CNGB3: variants seen among roughly 807,000 people sequenced by gnomAD.
CNGB3 encodes cyclic nucleotide gated channel subunit beta 3.
Under a neutral mutation model 92.8 loss-of-function variants are expected in CNGB3, and 86 were observed. That is an observed-to-expected ratio of 0.93 (90% CI 0.78 to 1.11). CNGB3 has a LOEUF of 1.11. CNGB3 is among the 50% of genes least tolerant of loss of function. The pLI, the probability that CNGB3 is intolerant of heterozygous loss-of-function variation, is 0.00. For synonymous variants in CNGB3, 333 were observed against 332.7 expected, an observed-to-expected ratio of 1.00 and a Z score of -0.01; for missense variants, 1,026 against 956.8, an observed-to-expected ratio of 1.07 and a Z score of -0.95.
intron 15 of CNGB3, among the ~76,000 whole-genome samples, chr8:86,585,164 TA>T (rs1026268355): frequency 6.6e-6 from 1 of 152,126 alleles, no homozygotes; most frequent in African/African-American, 2.4e-5. Flanking sequence ...AGAAATGGTG[TA>T]TTCAGGGACT....
At chr8:86,712,197 C>T (rs889891320) in intron 3 of CNGB3, among the ~76,000 whole-genome samples, 2 of 152,086 alleles carry the variant, frequency 1.3e-5, no homozygotes, top group Admixed American at 1.3e-4. Context: ...TATCAGTCAT[C>T]AGAGAAAGTG....
At chr8:86,726,679 A>G (rs1448457159) in intron 2 of CNGB3, 22 bp from the exon 3 acceptor site, 1 of 1,612,846 alleles carries the variant, frequency 6.2e-7, no homozygotes, top group Non-Finnish European at 8.5e-7. Flanking sequence ...AAATTCACAT[A>G]GATAGAAGAA....
In CNGB3 at chr8:86,575,649, C is replaced by G; in HGVS notation, c.*155G>C. The G allele has an allele frequency of 1.7e-6, 1 of 592,352 alleles. No individual in the cohort carries two copies. The highest frequency in any genetic ancestry group is 3.3e-5 in the Admixed American group (1 of 30,604). The allele number at this position is 592,352 out of a possible 1,614,324, so 36.7% of individuals were successfully genotyped here. A position where few individuals can be genotyped will look rare whatever the true frequency, so the allele number is the denominator to read the frequency against. Reference sequence around the variant, plus strand: ...TCTTCTTATTACCACTGCATGAAATCACACTCTCAGATAAGTCCTAGAAAC... The same window carrying G: ...TCTTCTTATTACCACTGCATGAAATGACACTCTCAGATAAGTCCTAGAAAC... On this transcript the variant is annotated 3_prime_UTR_variant, in exon 18 of 18. Coordinates refer to ENST00000320005, the MANE Select transcript of CNGB3 (RefSeq NM_019098.5).
chr8:86,735,040 T>TC (rs1825221464), intron 2 of CNGB3, among the ~76,000 whole-genome samples: 1 of 79,894 alleles, frequency 1.3e-5, no homozygotes, highest in Admixed American at 1.6e-4. Flanking sequence ...CAAATGCCGG[T>TC]GGTTTTTTTT....
chr8:86,714,004 C>T (rs1824799714), intron 3 of CNGB3, among the ~76,000 whole-genome samples: 1 of 152,118 alleles, frequency 6.6e-6, no homozygotes, highest in South Asian at 2.1e-4. Flanking sequence ...ACAATCGGTA[C>T]ACCTGCATTG....
Position 86,735,042 on chromosome 8 carries a change from G to GTTTTTTT in CNGB3, c.211+4606_211+4612dup, listed in dbSNP as rs60107723. On this transcript the variant is annotated intron_variant, in intron 2 of 17. Coordinates refer to ENST00000320005, the MANE Select transcript of CNGB3 (RefSeq NM_019098.5). ...CATGTCAAATTCTCAAATGCCGGTG[G>GTTTTTTT]TTTTTTTTTTTTTTTTTTTTTTTTT... is the stretch of plus-strand genomic sequence containing the variant. Among the ~76,000 whole-genome samples, 20 of 85,856 alleles carry GTTTTTTT rather than the reference G, an allele frequency of 2.3e-4. 1 individual carries two copies. Among genetic ancestry groups the GTTTTTTT allele is most frequent in the Admixed American group, 3.1e-4 (2 of 6,456 alleles). 56.3% of individuals were successfully genotyped at this position (85,856 alleles called of 152,430 possible).
intron 2 of CNGB3, among the ~76,000 whole-genome samples, chr8:86,736,265 T>C (rs1387369790): frequency 6.6e-6 from 1 of 152,192 alleles, no homozygotes; most frequent in East Asian, 1.9e-4. Flanking sequence ...AATTTTGCTT[T>C]TTCAAGACAA....
chr8:86,624,417 T>A (rs1822804003), intron 13 of CNGB3, among the ~76,000 whole-genome samples: 1 of 152,098 alleles, frequency 6.6e-6, no homozygotes, highest in Non-Finnish European at 1.5e-5. Flanking sequence ...AGACTCTGTC[T>A]CTAAATAAAT....
intron 3 of CNGB3, among the ~76,000 whole-genome samples, chr8:86,673,472 A>T (rs1407414179): frequency 1.3e-5 from 2 of 152,060 alleles, no homozygotes; most frequent in East Asian, 3.9e-4. Context: ...GTGGTTGGGT[A>T]TGGAAAGGAA....
intron 3 of CNGB3, among the ~76,000 whole-genome samples, chr8:86,713,447 A>C (rs1474157520): frequency 1.3e-5 from 2 of 152,226 alleles, no homozygotes; most frequent in Non-Finnish European, 2.9e-5. Flanking sequence ...CATAGTATAT[A>C]GTCAACTTTT....
intron 3 of CNGB3, among the ~76,000 whole-genome samples, chr8:86,690,906 C>G (rs1456573930): frequency 6.6e-6 from 1 of 152,100 alleles, no homozygotes; most frequent in African/African-American, 2.4e-5. Flanking sequence ...GTGTTCTGTT[C>G]CATTGATCTA....
chr8:86,654,485 C>T lies in CNGB3; in HGVS notation c.853-423G>A, dbSNP rs143017987. ...GCATTCATCATGATTTGAAATGACA[C>T]GTATACTGCTTGGCTCATTTACTTA... On this transcript the variant is annotated intron_variant, in intron 6 of 17. Coordinates refer to ENST00000320005, the MANE Select transcript of CNGB3 (RefSeq NM_019098.5). Among the ~76,000 whole-genome samples, 279 of 152,212 alleles carry T rather than the reference C, an allele frequency of 1.8e-3. 1 individual carries two copies. The highest frequency in any genetic ancestry group is 5.9e-3 in the African/African-American group (247 of 41,532).
At chr8:86,585,397 G>T in intron 15 of CNGB3, among the ~76,000 whole-genome samples, 1 of 151,962 alleles carries the variant, frequency 6.6e-6, no homozygotes, top group East Asian at 1.9e-4. Flanking sequence ...TCCAAGCTTT[G>T]TCCAGGGCTG....
chr8:86,714,519 G>A (rs11787263), intron 3 of CNGB3, among the ~76,000 whole-genome samples: 54,041 of 152,042 alleles, frequency 0.36, 10,375 homozygotes, highest in East Asian at 0.53. Context: ...GGAGAAGATG[G>A]GAGATAGGAG....
At chr8:86,668,977 C>G (rs778933316) in intron 4 of CNGB3, among the ~76,000 whole-genome samples, 1 of 152,112 alleles carries the variant, frequency 6.6e-6, no homozygotes, top group Non-Finnish European at 1.5e-5. Flanking sequence ...TATGACTGTG[C>G]CACTGCACTC....
intron 7 of CNGB3, among the ~76,000 whole-genome samples, chr8:86,650,150 T>C (rs1257415477): frequency 6.6e-6 from 1 of 151,566 alleles, no homozygotes; most frequent in Non-Finnish European, 1.5e-5. Context: ...GTAATTAAAA[T>C]AATGTATTTA....
chr8:86,602,231 A>T (rs562317059), intron 15 of CNGB3, among the ~76,000 whole-genome samples: 1 of 152,318 alleles, frequency 6.6e-6, no homozygotes. Context: ...CAGGTCTCGT[A>T]TGTTCTGAGA....
chr8:86,654,502 A>G (rs1250053437), intron 6 of CNGB3, among the ~76,000 whole-genome samples: 2 of 152,114 alleles, frequency 1.3e-5, no homozygotes, highest in Non-Finnish European at 2.9e-5. Context: ...TGCTTGGCTC[A>G]TTTACTTAAA....
chr8:86,705,606 A>C (rs1444986843), intron 3 of CNGB3, among the ~76,000 whole-genome samples: 2 of 152,150 alleles, frequency 1.3e-5, no homozygotes, highest in Non-Finnish European at 2.9e-5. Context: ...GAGACGCTGC[A>C]GACAAAACAT....
Sources: gnomAD v4.1 joint callset for allele counts (sites outside exome capture counted in the v4.1 genomes callset) on GRCh38, gnomAD v4.1.1 for gene constraint, MANE v1.5 for transcripts, NCBI Gene and HGNC (gene_info 2026-07-23, HGNC 2026-07-21) for gene names.